The following NRXN1 variants were observed in gnomAD, a reference collection of about 807,000 sequenced individuals.
NRXN1 encodes the protein neurexin-1.
NRXN1 carries 39 observed loss-of-function variants against 150.9 expected under a neutral mutation model. The ratio of observed to expected loss-of-function variants is 0.26; its 90% CI spans 0.20 to 0.34. NRXN1 has a LOEUF of 0.34. Ranked by LOEUF, NRXN1 falls within the 10% of genes least tolerant of loss-of-function variation. The pLI is 1.00. For synonymous variants in NRXN1, 924 were observed against 757.0 expected (o/e 1.22, Z -3.62); for missense variants, 1,815 against 1,949.9 (o/e 0.93, Z 1.30).
chr2:50,971,451 C>T (rs1558512369), intron 2 of NRXN1, among the ~76,000 whole-genome samples: 2 of 151,942 alleles, frequency 1.3e-5, no homozygotes, highest in Admixed American at 1.3e-4. Context: ...GGTGTGCTGG[C>T]AGGCACTTGT....
chr2:51,000,847 G>C (rs1699948071), intron 2 of NRXN1, among the ~76,000 whole-genome samples: 1 of 151,800 alleles, frequency 6.6e-6, no homozygotes, highest in African/African-American at 2.4e-5. Flanking sequence ...ATTTACAAAA[G>C]ATGAGAAATG....
At chr2:50,101,082 T>C (rs1700916281) in intron 18 of NRXN1, among the ~76,000 whole-genome samples, 1 of 152,078 alleles carries the variant, frequency 6.6e-6, no homozygotes, top group Non-Finnish European at 1.5e-5. Flanking sequence ...ATCAGATGTG[T>C]ATTACTTGTT....
chr2:50,847,971 G>A (rs971225430), intron 5 of NRXN1, among the ~76,000 whole-genome samples: 21 of 152,232 alleles, frequency 1.4e-4, no homozygotes, highest in Middle Eastern at 3.4e-3. Flanking sequence ...CATATGATCC[G>A]ATTCTTCTGG....
intron 5 of NRXN1, among the ~76,000 whole-genome samples, chr2:50,847,705 G>T (rs1010997633): frequency 6.6e-5 from 10 of 152,190 alleles, no homozygotes; most frequent in African/African-American, 2.4e-4. Context: ...GACGGCGAGA[G>T]AACATCGAGA....
intron 21 of NRXN1, chr2:49,966,467 A>G (rs1676981138): frequency 6.6e-6 from 1 of 152,150 alleles, no homozygotes. Context: ...ACATAATTCA[A>G]CAAAATGAAA....
chr2:50,298,527 ATT>A (rs5831109), intron 17 of NRXN1, among the ~76,000 whole-genome samples: 104 of 150,220 alleles, frequency 6.9e-4, no homozygotes, highest in East Asian at 4.5e-3. Flanking sequence ...AAATTTACAG[ATT>A]TTTTTTTTTT....
At chr2:50,662,632 A>G (rs1687460795) in intron 5 of NRXN1, among the ~76,000 whole-genome samples, 1 of 151,790 alleles carries the variant, frequency 6.6e-6, no homozygotes, top group South Asian at 2.1e-4. Flanking sequence ...TTGTTAGTAT[A>G]TTCTCTGTGT....
intron 5 of NRXN1, among the ~76,000 whole-genome samples, chr2:50,876,446 A>T (rs766998675): frequency 2.0e-5 from 3 of 151,808 alleles, no homozygotes; most frequent in Non-Finnish European, 4.4e-5. Flanking sequence ...CTTTTTTAAT[A>T]TTTACTATAT....
At chr2:50,904,430 T>A (rs760468498) in intron 5 of NRXN1, among the ~76,000 whole-genome samples, 2 of 152,222 alleles carry the variant, frequency 1.3e-5, no homozygotes, top group Admixed American at 1.3e-4. Flanking sequence ...AAGTTCATAT[T>A]TGGGAACATA....
At chr2:50,896,475 G>GA (rs1266549827) in intron 5 of NRXN1, among the ~76,000 whole-genome samples, 1 of 150,868 alleles carries the variant, frequency 6.6e-6, no homozygotes, top group Non-Finnish European at 1.5e-5. Context: ...GTGTGCTATG[G>GA]TTTTCTAAAA....
At chr2:50,846,870 A>C (rs1673734380) in intron 5 of NRXN1, among the ~76,000 whole-genome samples, 1 of 152,244 alleles carries the variant, frequency 6.6e-6, no homozygotes, top group Non-Finnish European at 1.5e-5. Context: ...TTGTGGCATG[A>C]AAAGTTTCAT....
chr2:50,198,261 AAC>A (rs998008329), intron 18 of NRXN1, among the ~76,000 whole-genome samples: 2 of 152,142 alleles, frequency 1.3e-5, no homozygotes, highest in African/African-American at 4.8e-5. Context: ...AAAAGAAAAA[AAC>A]ATTTAGATAA....
chr2:50,395,739 G>T (rs2176855), intron 17 of NRXN1, among the ~76,000 whole-genome samples: 3 of 152,000 alleles, frequency 2.0e-5, no homozygotes, highest in South Asian at 2.1e-4. Flanking sequence ...GAGGTATAAG[G>T]TTCCCTATTT....
At chr2:49,932,104 T>C (rs921573587) in intron 22 of NRXN1, among the ~76,000 whole-genome samples, 28 of 152,266 alleles carry the variant, frequency 1.8e-4, no homozygotes, top group African/African-American at 6.5e-4. Context: ...GCAGCATTCC[T>C]TCCAATTCTC....
intron 17 of NRXN1, among the ~76,000 whole-genome samples, chr2:50,289,958 T>C (rs2072708641): frequency 6.6e-6 from 1 of 152,198 alleles, no homozygotes; most frequent in South Asian, 2.1e-4. Context: ...ACCCAGTTAT[T>C]GTTAGCACTT....
intron 2 of NRXN1, among the ~76,000 whole-genome samples, chr2:50,968,463 T>C (rs10174398): frequency 0.32 from 48,158 of 151,836 alleles, 9,126 homozygotes; most frequent in East Asian, 0.56. Flanking sequence ...TCTGTACCCA[T>C]GCTCTCTCCA....
intron 2 of NRXN1, among the ~76,000 whole-genome samples, chr2:50,983,974 T>C (rs1047061435): frequency 3.3e-5 from 5 of 151,670 alleles, no homozygotes; most frequent in African/African-American, 1.2e-4. Flanking sequence ...TTTTAATTAA[T>C]CTATTTTTTT....
At chr2:50,150,805 T>C (rs139657844) in intron 18 of NRXN1, among the ~76,000 whole-genome samples, 179 of 151,800 alleles carry the variant, frequency 1.2e-3, no homozygotes, top group African/African-American at 4.1e-3. Context: ...TACATGACCA[T>C]ACACCCCTGG....
chr2:50,940,204 G>A (rs775384270), intron 2 of NRXN1, among the ~76,000 whole-genome samples: 11 of 152,052 alleles, frequency 7.2e-5, no homozygotes, highest in Admixed American at 3.9e-4. Context: ...CAGGGCAGGC[G>A]TAGTGGCTCA....
Sources: allele counts gnomAD v4.1 joint callset (sites outside exome capture counted in the v4.1 genomes callset), GRCh38; gene constraint gnomAD v4.1.1; transcripts MANE v1.5; gene names NCBI Gene and HGNC (gene_info 2026-07-23, HGNC 2026-07-21).